SGPP1: variants seen among roughly 807,000 people sequenced by gnomAD.
SGPP1 encodes sphingosine-1-phosphate phosphatase 1, also known as hSPP1.
In SGPP1, 21 loss-of-function variants were observed where a neutral mutation model predicts 33.0. The observed-to-expected ratio is 0.64, with a 90% confidence interval of 0.45 to 0.92. The LOEUF (loss-of-function observed/expected upper bound fraction) is 0.92, where lower values mean the gene tolerates loss of function less well. SGPP1 is among the 40% of genes least tolerant of loss of function. The pLI, the probability that SGPP1 is intolerant of heterozygous loss-of-function variation, is 0.00. For missense variants in SGPP1, 543 were observed against 589.4 expected (o/e 0.92, Z 0.81); for synonymous variants, 239 against 241.2 (o/e 0.99, Z 0.08).
At chr14:63,691,504 A>G (rs543882585) in intron 2 of SGPP1, among the ~76,000 whole-genome samples, 1 of 152,290 alleles carries the variant, frequency 6.6e-6, no homozygotes, top group South Asian at 2.1e-4. Context: ...CTACCCTGTA[A>G]TAAGAAATTT....
At chr14:63,719,686 A>G (rs1885727704) in intron 1 of SGPP1, among the ~76,000 whole-genome samples, 1 of 152,062 alleles carries the variant, frequency 6.6e-6, no homozygotes, top group Non-Finnish European at 1.5e-5. Flanking sequence ...TGTGAAAAAA[A>G]TTAGATAGCA....
chr14:63,686,416 T>G lies in SGPP1; in HGVS notation c.1015A>C (p.Met339Leu). Residue 339 changes from methionine to leucine, a missense_variant, in exon 3 of 3, where the codon ATG becomes CTG. Transcript: ENST00000247225. ...IACGSHVTYNMGLVLDPSLDT... is the reference protein window; with the variant it reads ...IACGSHVTYNLGLVLDPSLDT... ...AGAGAAGGATCTAATACTAGACCCATGTTATAAGTAACATGAGATCCACAT... is the reference window on the plus strand; with the variant it reads ...AGAGAAGGATCTAATACTAGACCCAGGTTATAAGTAACATGAGATCCACAT... 1 of 1,614,162 alleles carries G rather than the reference T, an allele frequency of 6.2e-7. No individual in the cohort carries two copies. The highest frequency in any genetic ancestry group is 8.5e-7 in the Non-Finnish European group (1 of 1,180,030).
chr14:63,716,033 C>T (rs898069958), intron 1 of SGPP1, among the ~76,000 whole-genome samples: 1 of 152,116 alleles, frequency 6.6e-6, no homozygotes, highest in African/African-American at 2.4e-5. Context: ...TTTAACTGCA[C>T]ACCAGAACAA....
chr14:63,695,789 T>C (rs1885175756), intron 2 of SGPP1, among the ~76,000 whole-genome samples: 1 of 152,116 alleles, frequency 6.6e-6, no homozygotes, highest in Admixed American at 6.5e-5. Context: ...TACATGTTTG[T>C]AGTCCTAGAC....
intron 1 of SGPP1, among the ~76,000 whole-genome samples, chr14:63,722,160 G>A (rs1885784443): frequency 6.6e-6 from 1 of 151,990 alleles, no homozygotes. Flanking sequence ...AGGAACATTG[G>A]GGTATTATAG....
chr14:63,696,413 C>G (rs912237140), intron 2 of SGPP1, among the ~76,000 whole-genome samples: 1 of 152,086 alleles, frequency 6.6e-6, no homozygotes, highest in Non-Finnish European at 1.5e-5. Flanking sequence ...CAAGAAATAC[C>G]AGGAATTCAC....
chr14:63,702,819 G>A (rs1162537699), intron 1 of SGPP1, among the ~76,000 whole-genome samples: 1 of 152,098 alleles, frequency 6.6e-6, no homozygotes, highest in Non-Finnish European at 1.5e-5. Context: ...ACTTCTAAGT[G>A]TCAAAGTAAA....
chr14:63,699,209 T>C (rs1323111492), intron 1 of SGPP1, among the ~76,000 whole-genome samples: 1 of 152,178 alleles, frequency 6.6e-6, no homozygotes, highest in Non-Finnish European at 1.5e-5. Context: ...ATGGTCCCCT[T>C]ACTGAGAAAA....
chr14:63,705,814 G>A (rs1174965257), intron 1 of SGPP1, among the ~76,000 whole-genome samples: 4 of 152,180 alleles, frequency 2.6e-5, no homozygotes, highest in Non-Finnish European at 4.4e-5. Context: ...GAAATTGGAA[G>A]CTTTATACAT....
chr14:63,727,469 A>G lies in SGPP1; in HGVS notation c.476T>C (p.Val159Ala), dbSNP rs1885908795. ...CCAGATGACCACGAGCCTCCGGCCC[A>G]CCAGAGGGTCCAGGTTCCAGATCCA... ...PFWIWNLDPL[V>A]GRRLVVIWVL... Residue 159 changes from valine to alanine, a missense_variant, in exon 1 of 3, where the codon GTG becomes GCG. By Grantham distance (64) the Val-to-Ala change is moderately conservative. Transcript: ENST00000247225. 3 of 1,614,148 alleles carry G rather than the reference A, an allele frequency of 1.9e-6. No individual in the cohort carries two copies. The highest frequency in any genetic ancestry group is 2.5e-6 in the Non-Finnish European group (3 of 1,180,032).
Position 63,711,342 on chromosome 14 carries a change from T to C in SGPP1, c.685-12684A>G, listed in dbSNP as rs116940292. ...TAAGATTGTTTTCTAGGGATTTATA[T>C]TGGTGGGAAAATTCTTTACATAATG... On this transcript the variant is annotated intron_variant, in intron 1 of 2. Coordinates refer to ENST00000247225, the MANE Select transcript of SGPP1 (RefSeq NM_030791.4). Among the ~76,000 whole-genome samples, 33 of 152,262 alleles carry C rather than the reference T, an allele frequency of 2.2e-4. 1 individual carries two copies. The East Asian group carries it at 6.2e-3, about 29-fold the overall frequency.
At chr14:63,698,725 ACAAAT>A in intron 1 of SGPP1, 67 bp from the exon 2 acceptor site, 3 of 890,606 alleles carry the variant, frequency 3.4e-6, no homozygotes, top group Middle Eastern at 3.1e-4. Flanking sequence ...CAAATAAAAG[ACAAAT>A]CAAATCACTA....
chr14:63,692,325 G>C (rs1249683207), intron 2 of SGPP1, among the ~76,000 whole-genome samples: 1 of 152,180 alleles, frequency 6.6e-6, no homozygotes, highest in Non-Finnish European at 1.5e-5. Context: ...ATGAAAACTG[G>C]AGTAAGGTCA....
At chr14:63,718,901 T>C (rs1885686607) in intron 1 of SGPP1, among the ~76,000 whole-genome samples, 1 of 138,334 alleles carries the variant, frequency 7.2e-6, no homozygotes, top group South Asian at 2.5e-4. Context: ...TAAGACTAAT[T>C]CAAATTAAAT....
Position 63,727,881 on chromosome 14 carries a change from G to A in SGPP1, c.64C>T (p.Arg22Cys), listed in dbSNP as rs531814617. 2.8e-5 allele frequency: 43 copies of A among 1,525,684 alleles called. No homozygotes were observed. The African/African-American group carries it at 4.0e-4, about 14-fold the overall frequency. 94.5% of individuals were successfully genotyped at this position (1,525,684 alleles called of 1,614,324 possible). ...TCCACCCCGCACAGCCGCTGGAAAC[G>A]GGCCACTTTCTGCGGGTCCTGCAGA... is the stretch of plus-strand genomic sequence containing the variant. Reference protein sequence around the residue: ...GRLQDPQKVARFQRLCGVEAP... With the variant: ...GRLQDPQKVACFQRLCGVEAP... The change falls in exon 1 of 3, where the codon CGT becomes TGT. Residue 22 changes from arginine (R) to cysteine (C), a missense_variant. Transcript: ENST00000247225.
chr14:63,700,611 T>C (rs1885277169), intron 1 of SGPP1, among the ~76,000 whole-genome samples: 5 of 152,146 alleles, frequency 3.3e-5, no homozygotes, highest in Admixed American at 3.3e-4. Flanking sequence ...GCAAATGATA[T>C]GATATGTAAA....
Position 63,708,961 on chromosome 14 carries a change from T to C in SGPP1, c.685-10303A>G, listed in dbSNP as rs561026898. ...CATATATAAAGTTGTTCAAAGTGTG[T>C]TGTTTAATTTCTTTTATCCTTAGGA... On this transcript the variant is annotated intron_variant, in intron 1 of 2. Coordinates refer to ENST00000247225, the MANE Select transcript of SGPP1 (RefSeq NM_030791.4). 4.6e-5 allele frequency among the ~76,000 whole-genome samples: 7 copies of C among 152,328 alleles called. No homozygotes were observed. The East Asian group carries it at 1.3e-3, about 29-fold the overall frequency.
chr14:63,691,967 GAAGA>G (rs1454947357), intron 2 of SGPP1, among the ~76,000 whole-genome samples: 5 of 151,912 alleles, frequency 3.3e-5, no homozygotes, highest in Non-Finnish European at 7.4e-5. Context: ...GAAAAAAAAA[GAAGA>G]AAGGAAGAAA....
At chr14:63,706,947 G>T (rs1470598217) in intron 1 of SGPP1, among the ~76,000 whole-genome samples, 8 of 150,910 alleles carry the variant, frequency 5.3e-5, no homozygotes, top group African/African-American at 1.7e-4. Context: ...GGAGGCTGAG[G>T]TGGGAGAATC....
Sources: allele counts gnomAD v4.1 joint callset (sites outside exome capture counted in the v4.1 genomes callset), GRCh38; gene constraint gnomAD v4.1.1; transcripts MANE v1.5; gene names NCBI Gene and HGNC (gene_info 2026-07-23, HGNC 2026-07-21).